ZBED4: variants seen among roughly 807,000 people sequenced by gnomAD.
ZBED4 encodes zinc finger BED-type containing 4, also known as zinc finger BED domain-containing protein 4.
In ZBED4, 4 loss-of-function variants were observed where a neutral mutation model predicts 15.5. The ratio of observed to expected loss-of-function variants is 0.26; its 90% CI spans 0.13 to 0.59. The LOEUF (loss-of-function observed/expected upper bound fraction) is 0.59, where lower values mean the gene tolerates loss of function less well. Among genes scored for constraint, ZBED4 ranks in the 20% least tolerant of loss-of-function variants. The pLI, the probability that ZBED4 is intolerant of heterozygous loss-of-function variation, is 0.90. For missense variants in ZBED4, 1,323 were observed against 1,461.8 expected, an observed-to-expected ratio of 0.91 and a Z score of 1.55; for synonymous variants, 692 against 608.5, an observed-to-expected ratio of 1.14 and a Z score of -2.02.
In ZBED4 at chr22:49,883,802, A is replaced by G; in HGVS notation, c.140A>G (p.Glu47Gly). 6.2e-7 allele frequency: 1 copy of G among 1,613,460 alleles called. No individual in the cohort carries two copies. Among genetic ancestry groups the G allele is most frequent in the Non-Finnish European group, 8.5e-7 (1 of 1,179,394 alleles). ...LERMDFKSEQ[E>G]DMKQTDSGGE... is the part of the protein sequence containing the mutation. ...AGAATGGACTTTAAAAGCGAGCAGG[A>G]GGACATGAAGCAGACAGACAGCGGT... is the stretch of plus-strand genomic sequence containing the variant. The change falls in exon 2 of 2, where the codon GAG becomes GGG. Residue 47 changes from glutamate (E) to glycine (G), a missense_variant. This residue lies in a region of ZBED4 where 380 missense variants were observed against 413.7 expected (regional missense o/e 0.92). Coordinates refer to ENST00000216268, the MANE Select transcript of ZBED4 (RefSeq NM_014838.3).
At chr22:49,871,426 A>G (rs1016825852) in intron 1 of ZBED4, among the ~76,000 whole-genome samples, 6 of 152,032 alleles carry the variant, frequency 3.9e-5, no homozygotes, top group Admixed American at 1.3e-4. Flanking sequence ...CGAAGCTTAC[A>G]GTGAGCCGAT....
Position 49,887,045 on chromosome 22 carries a change from T to A in ZBED4, c.3383T>A (p.Ile1128Asn), listed in dbSNP as rs1286054340. 4 of 1,614,054 alleles carry A rather than the reference T, an allele frequency of 2.5e-6. No individual in the cohort carries two copies. The highest frequency in any genetic ancestry group is 1.3e-5 in the African/African-American group (1 of 74,942). ...AGATTTTTGGGCTGCCCCCCAAGCA[T>A]CGTCCCTTCAGAAAAGCTGTTCAAC... Reference protein sequence around the residue: ...AVRFLGCPPSIVPSEKLFNTP... With the variant: ...AVRFLGCPPSNVPSEKLFNTP... The change falls in exon 2 of 2, where the codon ATC (isoleucine) becomes AAC (asparagine). Residue 1128 changes from isoleucine to asparagine, a missense_variant. Physicochemically the swap from Ile to Asn is moderately radical, Grantham distance 149. Coordinates refer to ENST00000216268, the MANE Select transcript of ZBED4 (RefSeq NM_014838.3).
In ZBED4 at chr22:49,883,743, A is replaced by C; in HGVS notation, c.81A>C (p.Glu27Asp). Reference protein sequence around the residue: ...SDKIKFKIEEEDDDGIPPDSL... With the variant: ...SDKIKFKIEEDDDDGIPPDSL... ...AAATAAAGTTTAAAATAGAAGAGGA[A>C]GATGATGATGGAATTCCTCCTGATA... Residue 27 changes from glutamate to aspartate, a missense_variant, in exon 2 of 2, where the codon GAA becomes GAC. This residue lies in a region of ZBED4 where 380 missense variants were observed against 413.7 expected (regional missense o/e 0.92). Transcript: ENST00000216268. The C allele has an allele frequency of 6.2e-7, 1 of 1,612,500 alleles. No individual in the cohort carries two copies. The highest frequency in any genetic ancestry group is 1.1e-5 in the South Asian group (1 of 91,046).
rs1601795164 is a variant in ZBED4, at chr22:49,875,734, T to C, written c.-329-7600T>C. On this transcript the variant is annotated intron_variant, in intron 1 of 1. Transcript: ENST00000216268. ...CCCCGCCCAGCTTGTCCATTTCATC[T>C]GAGTTGCAGAACTTATTTTTATAAA... Among the ~76,000 whole-genome samples, 4 of 152,336 alleles carry C rather than the reference T, an allele frequency of 2.6e-5. No individual in the cohort carries two copies. The South Asian group carries it at 8.3e-4, about 32-fold the overall frequency.
intron 1 of ZBED4, among the ~76,000 whole-genome samples, chr22:49,859,925 G>A (rs1452776210): frequency 1.3e-5 from 2 of 150,392 alleles, no homozygotes; most frequent in African/African-American, 4.9e-5. Context: ...TACTCAGGAG[G>A]CTGAGATGGG....
At chr22:49,854,798 T>C (rs1019254009) in intron 1 of ZBED4, among the ~76,000 whole-genome samples, 3 of 152,162 alleles carry the variant, frequency 2.0e-5, no homozygotes, top group Non-Finnish European at 2.9e-5. Context: ...TGTTCTCGTG[T>C]TGGTCGAAAG....
At chr22:49,854,189 C>G (rs2060264904) in intron 1 of ZBED4, among the ~76,000 whole-genome samples, 200 bp downstream of exon 1, 1 of 146,744 alleles carries the variant, frequency 6.8e-6, no homozygotes, top group Admixed American at 6.8e-5. Context: ...GGACCCCGGC[C>G]CTGACAGCTG....
intron 1 of ZBED4, among the ~76,000 whole-genome samples, chr22:49,881,152 C>T (rs1342229939): frequency 1.3e-5 from 2 of 152,048 alleles, no homozygotes; most frequent in Non-Finnish European, 1.5e-5. Flanking sequence ...TCAAGACCAG[C>T]CTGGCCAACA....
chr22:49,861,622 G>T (rs951275305), intron 1 of ZBED4, among the ~76,000 whole-genome samples: 1 of 152,084 alleles, frequency 6.6e-6, no homozygotes. Context: ...TTTTTGTAGA[G>T]ATGGGAGTCT....
chr22:49,858,003 C>G (rs1188366521), intron 1 of ZBED4, among the ~76,000 whole-genome samples: 4 of 151,896 alleles, frequency 2.6e-5, no homozygotes, highest in African/African-American at 9.7e-5. Context: ...ATCTCGTGAT[C>G]CGTCCACCTT....
At chr22:49,858,168 CTGGGATTACAGGCG>C (rs911604653) in intron 1 of ZBED4, among the ~76,000 whole-genome samples, 18 of 152,082 alleles carry the variant, frequency 1.2e-4, no homozygotes, top group Admixed American at 3.9e-4. Flanking sequence ...TCCCAAAGGG[CTGGGATTACAGGCG>C]TGAGCCACCG....
At chr22:49,857,805 G>A (rs2060280759) in intron 1 of ZBED4, among the ~76,000 whole-genome samples, 1 of 152,206 alleles carries the variant, frequency 6.6e-6, no homozygotes, top group Non-Finnish European at 1.5e-5. Flanking sequence ...CACCCAGGCT[G>A]GAGTGCAATG....
In ZBED4 at chr22:49,889,049, A is replaced by C. The variant is rs2060454647; in HGVS notation, c.*1871A>C. On this transcript the variant is annotated 3_prime_UTR_variant, in exon 2 of 2. Coordinates refer to ENST00000216268, the MANE Select transcript of ZBED4 (RefSeq NM_014838.3). ...GCTTCATGGATTTTCTCTCCAAAAC[A>C]AGCCAGCACAACTAACTGTAGCAGA... 6.0e-6 allele frequency: 1 copy of C among 167,246 alleles called. No individual in the cohort carries two copies. Among genetic ancestry groups the C allele is most frequent in the Non-Finnish European group, 1.5e-5 (1 of 68,128 alleles). 10.4% of individuals were successfully genotyped at this position (167,246 alleles called of 1,614,324 possible).
intron 1 of ZBED4, among the ~76,000 whole-genome samples, chr22:49,864,424 C>G (rs2060310763): frequency 6.6e-6 from 1 of 152,218 alleles, no homozygotes; most frequent in Non-Finnish European, 1.5e-5. Context: ...TATGCAGGGT[C>G]TCAACTACAG....
In ZBED4 at chr22:49,889,863, C is replaced by T. The variant is rs1382868291; in HGVS notation, c.*2685C>T. 1.8e-5 allele frequency: 3 copies of T among 167,004 alleles called. No individual in the cohort carries two copies. The highest frequency in any genetic ancestry group is 2.1e-4 in the South Asian group (1 of 4,824). The allele number at this position is 167,004 out of a possible 1,614,324, so 10.3% of individuals were successfully genotyped here. On this transcript the variant is annotated 3_prime_UTR_variant, in exon 2 of 2. Coordinates refer to ENST00000216268, the MANE Select transcript of ZBED4 (RefSeq NM_014838.3). Reference sequence around the variant, plus strand: ...GCCTCTCCGTTCAGAACCCCAGCTGCGAGCTGTTTGTTTCCCTGCCTGGAA... The same window carrying T: ...GCCTCTCCGTTCAGAACCCCAGCTGTGAGCTGTTTGTTTCCCTGCCTGGAA...
intron 1 of ZBED4, among the ~76,000 whole-genome samples, chr22:49,863,367 G>T (rs1417419776): frequency 6.6e-6 from 1 of 152,272 alleles, no homozygotes; most frequent in Non-Finnish European, 1.5e-5. Flanking sequence ...GGTGGCTCAC[G>T]CCTGTAATCC....
chr22:49,859,277 G>T (rs2060287412), intron 1 of ZBED4, among the ~76,000 whole-genome samples: 1 of 152,146 alleles, frequency 6.6e-6, no homozygotes, highest in African/African-American at 2.4e-5. Context: ...AGACACCTCT[G>T]TGGGGGCAAA....
intron 1 of ZBED4, among the ~76,000 whole-genome samples, chr22:49,870,665 T>C (rs1213028882): frequency 6.6e-6 from 1 of 152,170 alleles, no homozygotes; most frequent in African/African-American, 2.4e-5. Context: ...TGCTTTTTAA[T>C]GGGGTTATTT....
chr22:49,855,756 TTTGAG>T, intron 1 of ZBED4, among the ~76,000 whole-genome samples: 2 of 152,252 alleles, frequency 1.3e-5, no homozygotes, highest in Admixed American at 1.3e-4. Flanking sequence ...GTGGTTGTCT[TTTGAG>T]AGGAGGGAGC....
Sources: gnomAD v4.1 joint callset for allele counts (sites outside exome capture counted in the v4.1 genomes callset) on GRCh38, gnomAD v4.1.1 for gene constraint, gnomAD v4.1.1 regional missense constraint, MANE v1.5 for transcripts, NCBI Gene and HGNC (gene_info 2026-07-23, HGNC 2026-07-21) for gene names.